Variants in NT5DC3 observed in about 807,000 individuals in gnomAD.
The protein encoded by NT5DC3 is 5'-nucleotidase domain containing 3.
NT5DC3 carries 42 observed loss-of-function variants against 67.8 expected under a neutral mutation model. The ratio of observed to expected loss-of-function variants is 0.62; its 90% confidence interval spans 0.48 to 0.80. The LOEUF is 0.80. NT5DC3 is among the 30% of genes least tolerant of loss of function. The pLI is 0.00. For synonymous variants in NT5DC3, 237 were observed against 255.6 expected, an observed-to-expected ratio of 0.93 and a Z score of 0.69; for missense variants, 570 against 696.4, an observed-to-expected ratio of 0.82 and a Z score of 2.04.
chr12:103,780,358 T>G lies in NT5DC3; in HGVS notation c.1336A>C (p.Arg446=). 6.2e-7 allele frequency: 1 copy of G among 1,613,954 alleles called. No homozygotes were observed. Among genetic ancestry groups the G allele is most frequent in the East Asian group, 2.2e-5 (1 of 44,890 alleles). The change falls in exon 13 of 14, where the codon AGA becomes CGA. Residue 446 remains arginine (R), a synonymous_variant. Coordinates refer to ENST00000392876, the MANE Select transcript of NT5DC3 (RefSeq NM_001031701.3). ...TGLLEQMQVH[R]DAESQLVLQE... ...AAAACCAGCTGTGACTCAGCATCTC[T>G]GTGAACCTGTAGGACACAAGTCAAT... is the stretch of plus-strand genomic sequence containing the variant.
intron 4 of NT5DC3, among the ~76,000 whole-genome samples, chr12:103,801,493 C>T (rs962907708): frequency 6.6e-6 from 1 of 150,494 alleles, no homozygotes; most frequent in African/African-American, 2.5e-5. Flanking sequence ...CGCCATTCTC[C>T]TGCCTCAGCC....
chr12:103,837,604 A>G (rs997935163), intron 1 of NT5DC3, among the ~76,000 whole-genome samples: 1 of 152,208 alleles, frequency 6.6e-6, no homozygotes, highest in Non-Finnish European at 1.5e-5. Context: ...ATCTCTCTCA[A>G]GTTCAAAGTT....
intron 9 of NT5DC3, 65 bp downstream of exon 9, chr12:103,793,099 C>T: frequency 3.5e-6 from 4 of 1,142,458 alleles, no homozygotes; most frequent in Non-Finnish European, 5.2e-6. Flanking sequence ...TACCAAGACA[C>T]ACCATCTATA....
chr12:103,837,238 A>G lies in NT5DC3; in HGVS notation c.208+3711T>C, dbSNP rs146354130. ...GCCACAGCTGGAGCAGCTAGGACAC[A>G]GCGCACACAGCATGGGGCCTGGGCC... On this transcript the variant is annotated intron_variant, in intron 1 of 13. Coordinates refer to ENST00000392876, the MANE Select transcript of NT5DC3 (RefSeq NM_001031701.3). Among the ~76,000 whole-genome samples the G allele has an allele frequency of 5.1e-4, 78 of 152,338 alleles. 1 individual carries two copies. The highest frequency in any genetic ancestry group is 1.7e-3 in the African/African-American group (72 of 41,568).
At chr12:103,792,968 C>T (rs1028088050) in intron 9 of NT5DC3, among the ~76,000 whole-genome samples, 196 bp downstream of exon 9, 38 of 152,158 alleles carry the variant, frequency 2.5e-4, no homozygotes, top group African/African-American at 8.7e-4. Context: ...AACTGAGAAC[C>T]CTTTCAATGC....
chr12:103,778,142 C>A, intron 13 of NT5DC3, 61 bp from the exon 14 acceptor site: 6 of 1,477,920 alleles, frequency 4.1e-6, no homozygotes, highest in Non-Finnish European at 2.7e-6. Flanking sequence ...TGTTTTTAAA[C>A]TACTGAAATC....
chr12:103,825,441 C>T (rs780107739), intron 1 of NT5DC3, among the ~76,000 whole-genome samples: 5 of 152,036 alleles, frequency 3.3e-5, no homozygotes, highest in Non-Finnish European at 7.4e-5. Flanking sequence ...TTAAAAAAAT[C>T]AACGGAACTG....
At chr12:103,759,017 T>C in the NT5DC3 span, 2 of 1,543,398 alleles carry the variant, frequency 1.3e-6, no homozygotes, top group Admixed American at 3.4e-5. Context: ...GATCTCCACA[T>C]GGAGGCAGGA....
chr12:103,791,249 C>T (rs1182322720), intron 9 of NT5DC3, among the ~76,000 whole-genome samples: 1 of 152,124 alleles, frequency 6.6e-6, no homozygotes, highest in East Asian at 1.9e-4. Flanking sequence ...TGCCCCCTCA[C>T]TTTTTATAAA....
chr12:103,765,762 G>C (rs142918352), downstream of NT5DC3, among the ~76,000 whole-genome samples: 3 of 151,996 alleles, frequency 2.0e-5, no homozygotes, highest in East Asian at 5.8e-4. Context: ...GGCTGATCTC[G>C]AACTCCTGAG....
chr12:103,788,919 C>T lies in NT5DC3; in HGVS notation c.1020G>A (p.Arg340=). 2 of 1,605,228 alleles carry T rather than the reference C, an allele frequency of 1.2e-6. No individual in the cohort carries two copies. The highest frequency in any genetic ancestry group is 1.7e-4 in the Middle Eastern group (1 of 6,038). ...EKPNFFNDKR[R]PFRKMNEKGV... ...CTTTCTCATTCATCTTTCGGAAAGG[C>T]CTAACAACAGAAATGGGAAACATTA... Residue 340 remains arginine, a splice_region_variant and synonymous_variant, in exon 10 of 14, where the codon AGG becomes AGA. Transcript: ENST00000392876.
At chr12:103,752,249 G>C in the NT5DC3 span, among the ~76,000 whole-genome samples, 1 of 152,094 alleles carries the variant, frequency 6.6e-6, no homozygotes, top group South Asian at 2.1e-4. Context: ...CAAATTCATT[G>C]TAAGGTATTT....
chr12:103,799,132 G>C (rs1366815661), intron 4 of NT5DC3, among the ~76,000 whole-genome samples: 2 of 152,176 alleles, frequency 1.3e-5, no homozygotes, highest in Non-Finnish European at 2.9e-5. Context: ...TAAAGCACAA[G>C]GCTTCCTAAT....
downstream of NT5DC3, among the ~76,000 whole-genome samples, chr12:103,767,632 G>A (rs1885041167): frequency 6.6e-6 from 1 of 151,908 alleles, no homozygotes; most frequent in Non-Finnish European, 1.5e-5. Context: ...CTGGCTTTGG[G>A]GTCTTTTAAA....
chr12:103,757,996 A>AT, the NT5DC3 span: 1 of 901,510 alleles, frequency 1.1e-6, no homozygotes, highest in Non-Finnish European at 1.6e-6. Context: ...GAGGAAAGGA[A>AT]AAGTCCTCAA....
Position 103,798,662 on chromosome 12 carries a change from G to C in NT5DC3, c.540C>G (p.Val180=). The change falls in exon 5 of 14, where the codon GTC becomes GTG. Residue 180 remains valine, a synonymous_variant. Coordinates refer to ENST00000392876, the MANE Select transcript of NT5DC3 (RefSeq NM_001031701.3). ...ACATTTCAATGACTTCTTCATCAGG[G>C]ACAACACTGAGGCCTCTGGAAAAAC... The part of the protein sequence containing the change: ...LGTVYRGLSV[V]PDEEVIEMYE... 1 of 1,613,474 alleles carries C rather than the reference G, an allele frequency of 6.2e-7. No individual in the cohort carries two copies. Among genetic ancestry groups the C allele is most frequent in the Non-Finnish European group, 8.5e-7 (1 of 1,179,364 alleles).
At chr12:103,829,718 C>T (rs1887843532) in intron 1 of NT5DC3, among the ~76,000 whole-genome samples, 1 of 152,262 alleles carries the variant, frequency 6.6e-6, no homozygotes, top group African/African-American at 2.4e-5. Context: ...CTGATTTCAA[C>T]ATTGTCAATA....
chr12:103,762,075 C>A, the NT5DC3 span, among the ~76,000 whole-genome samples: 1 of 152,242 alleles, frequency 6.6e-6, no homozygotes, highest in African/African-American at 2.4e-5. Flanking sequence ...CTCTCCCTAT[C>A]TCTTTGGGTT....
intron 11 of NT5DC3, among the ~76,000 whole-genome samples, chr12:103,786,949 C>T (rs996789664): frequency 5.3e-5 from 8 of 152,186 alleles, no homozygotes; most frequent in Non-Finnish European, 1.5e-5. Flanking sequence ...TCCCAAAGTG[C>T]TAGGACTACA....
Sources: allele counts gnomAD v4.1 joint callset (sites outside exome capture counted in the v4.1 genomes callset), GRCh38; gene constraint gnomAD v4.1.1; transcripts MANE v1.5; gene names NCBI Gene and HGNC (gene_info 2026-07-23, HGNC 2026-07-21).